Variants in CYRIB observed in about 807,000 individuals in gnomAD.
CYRIB encodes CYFIP related Rac1 interactor B.
CYRIB carries 8 observed loss-of-function variants against 44.2 expected under a neutral mutation model. The observed-to-expected ratio is 0.18, with a 90% CI of 0.11 to 0.33. The LOEUF is 0.33. CYRIB is among the 10% of genes least tolerant of loss of function. The pLI is 1.00. For synonymous variants in CYRIB, 131 were observed against 127.2 expected, an observed-to-expected ratio of 1.03 and a Z score of -0.20; for missense variants, 185 against 382.8, an observed-to-expected ratio of 0.48 and a Z score of 4.31.
chr8:129,849,210 G>A lies in CYRIB; in HGVS notation c.840+33C>T, dbSNP rs373806402. 8.3e-5 allele frequency: 128 copies of A among 1,544,896 alleles called. 1 individual carries two copies. Among genetic ancestry groups the A allele is most frequent in the South Asian group, 7.4e-4 (60 of 80,830 alleles). On this transcript the variant is annotated intron_variant, in intron 10 of 11. Transcript: ENST00000519824. ...TCCTATGGTTTCCATGGAGAAACTCGTTTGAAATTATTTATATAAAACAAT... is the reference window on the plus strand; with the variant it reads ...TCCTATGGTTTCCATGGAGAAACTCATTTGAAATTATTTATATAAAACAAT...
chr8:129,884,672 G>T lies in CYRIB; in HGVS notation c.-10-5201C>A, dbSNP rs146303884. On this transcript the variant is annotated intron_variant, in intron 2 of 11. Transcript: ENST00000519824. Reference sequence around the variant, plus strand: ...ATTATCATTTAGAATAATAAACTAAGTCTTACTATCTGAATTTAGAAGGGA... The same window carrying T: ...ATTATCATTTAGAATAATAAACTAATTCTTACTATCTGAATTTAGAAGGGA... Among the ~76,000 whole-genome samples, 94 of 152,288 alleles carry T rather than the reference G, an allele frequency of 6.2e-4. 1 individual carries two copies. Among genetic ancestry groups the T allele is most frequent in the African/African-American group, 2.1e-3 (87 of 41,558 alleles).
At chr8:129,841,156 A>G (rs914713333) in exon 12 of CYRIB, 1 of 152,126 alleles carries the variant, frequency 6.6e-6, no homozygotes, top group African/African-American at 2.4e-5. Flanking sequence ...CTCTGCCTTC[A>G]TGTTGCTACC....
chr8:130,006,638 GTGTATATATATACATATATATA>G (rs1564799966), intron 1 of CYRIB, among the ~76,000 whole-genome samples: 16 of 84,918 alleles, frequency 1.9e-4, no homozygotes, highest in Non-Finnish European at 2.7e-4. Context: ...ACATATATAT[GTGTATATATATACATATATATA>G]TGTATATATA....
At chr8:129,986,168 C>A (rs2096448537) in intron 1 of CYRIB, among the ~76,000 whole-genome samples, 1 of 152,186 alleles carries the variant, frequency 6.6e-6, no homozygotes, top group African/African-American at 2.4e-5. Context: ...CATGAAGATG[C>A]AAACGAAATT....
chr8:129,981,480 T>G (rs2096238326), intron 1 of CYRIB, among the ~76,000 whole-genome samples: 1 of 152,090 alleles, frequency 6.6e-6, no homozygotes, highest in Admixed American at 6.6e-5. Flanking sequence ...AGTGGAGACA[T>G]GGACAGGAGC....
chr8:129,939,917 A>G (rs2093526925), upstream of CYRIB: 1 of 152,192 alleles, frequency 6.6e-6, no homozygotes. Flanking sequence ...CCGCCCCGCA[A>G]GGTAAATCCT....
intron 1 of CYRIB, among the ~76,000 whole-genome samples, chr8:129,921,388 G>A (rs2083477927): frequency 6.6e-6 from 1 of 152,166 alleles, no homozygotes; most frequent in African/African-American, 2.4e-5. Context: ...TTGAGTGTAT[G>A]TCCTCTCCTA....
In CYRIB at chr8:129,849,238, C is replaced by G; in HGVS notation, c.840+5G>C. 1 of 1,589,590 alleles carries G rather than the reference C, an allele frequency of 6.3e-7. No individual in the cohort carries two copies. The highest frequency in any genetic ancestry group is 8.5e-7 in the Non-Finnish European group (1 of 1,172,990). The stretch of plus-strand genomic sequence containing the variant: ...TGAAATTATTTATATAAAACAATAA[C>G]TTACATCAATTTTGGAAGTTTTAGC... On this transcript the variant is annotated splice_donor_5th_base_variant and intron_variant, in intron 10 of 11. Coordinates refer to ENST00000519824, the Ensembl canonical transcript of CYRIB.
intron 2 of CYRIB, among the ~76,000 whole-genome samples, chr8:129,888,257 G>A (rs1017793888): frequency 1.3e-5 from 2 of 152,082 alleles, no homozygotes; most frequent in Non-Finnish European, 2.9e-5. Flanking sequence ...CATGTAAGAC[G>A]TGCCACCTTC....
intron 2 of CYRIB, among the ~76,000 whole-genome samples, chr8:129,944,874 T>G (rs943924439): frequency 3.3e-5 from 5 of 152,190 alleles, no homozygotes; most frequent in Non-Finnish European, 4.4e-5. Flanking sequence ...CAATACTTTT[T>G]CATATTTCTA....
intron 1 of CYRIB, among the ~76,000 whole-genome samples, chr8:129,915,077 T>A (rs1180640625): frequency 6.6e-6 from 1 of 152,246 alleles, no homozygotes; most frequent in Non-Finnish European, 1.5e-5. Context: ...TATACACTTG[T>A]GCAAAGCCAC....
intron 1 of CYRIB, among the ~76,000 whole-genome samples, chr8:129,972,959 TCA>T (rs2132269635): frequency 6.6e-6 from 1 of 152,330 alleles, no homozygotes; most frequent in South Asian, 2.1e-4. Flanking sequence ...TCATCCCTTC[TCA>T]GTCTTTCGGA....
intron 2 of CYRIB, chr8:129,880,500 A>C (rs1391510958): frequency 2.3e-5 from 22 of 946,636 alleles, no homozygotes; most frequent in Non-Finnish European, 2.6e-5. Context: ...CCAGTAAAAA[A>C]TTTTAAGCAG....
intron 1 of CYRIB, among the ~76,000 whole-genome samples, chr8:130,015,563 C>T (rs2097323313): frequency 6.6e-6 from 1 of 152,190 alleles, no homozygotes; most frequent in African/African-American, 2.4e-5. Context: ...ACCCCTCCAC[C>T]TCTTGCAGCA....
intron 1 of CYRIB, among the ~76,000 whole-genome samples, chr8:129,910,527 ATGG>A (rs2077439829): frequency 7.1e-6 from 1 of 141,450 alleles, no homozygotes; most frequent in African/African-American, 2.7e-5. Flanking sequence ...GCCAGGTGCA[ATGG>A]TTCCTGCCTA....
intron 4 of CYRIB, among the ~76,000 whole-genome samples, chr8:129,867,621 A>G (rs1314037108): frequency 1.3e-5 from 2 of 151,898 alleles, no homozygotes; most frequent in African/African-American, 4.8e-5. Context: ...ATATTAATAT[A>G]TAATTCAACA....
chr8:129,863,524 TAA>T (rs768283158), intron 4 of CYRIB, among the ~76,000 whole-genome samples: 23 of 137,652 alleles, frequency 1.7e-4, no homozygotes, highest in Admixed American at 2.2e-4. Context: ...GACTCTGTCT[TAA>T]AAAAAAAAAA....
chr8:129,995,068 C>T (rs1246855111), intron 1 of CYRIB, among the ~76,000 whole-genome samples: 1 of 152,246 alleles, frequency 6.6e-6, no homozygotes, highest in East Asian at 1.9e-4. Context: ...CCAAGACTTA[C>T]ATACTGAGGG....
chr8:129,846,989 T>G (rs766761601), intron 10 of CYRIB, 115 bp from the exon 13 acceptor site: 147 of 575,314 alleles, frequency 2.6e-4, no homozygotes, highest in Non-Finnish European at 1.7e-4. Flanking sequence ...GATTACATAC[T>G]ATGTCAAATT....
Sources: allele counts gnomAD v4.1 joint callset (sites outside exome capture counted in the v4.1 genomes callset), GRCh38; gene constraint gnomAD v4.1.1; transcripts MANE v1.5; gene names NCBI Gene and HGNC (gene_info 2026-07-23, HGNC 2026-07-21).